The following STXBP5 variants were observed in gnomAD, a reference collection of about 807,000 sequenced individuals.
STXBP5 encodes syntaxin-binding protein 5.
A neutral mutation model predicts 152.4 loss-of-function variants in STXBP5; 50 were observed. That is an observed-to-expected ratio of 0.33 (90% CI 0.26 to 0.42). The LOEUF (loss-of-function observed/expected upper bound fraction) is 0.42. Ranked by LOEUF, STXBP5 falls within the 10% of genes least tolerant of loss-of-function variation. The pLI is 1.00. For synonymous variants in STXBP5, 492 were observed against 494.7 expected, an observed-to-expected ratio of 0.99 and a Z score of 0.07; for missense variants, 1,167 against 1,388.6, an observed-to-expected ratio of 0.84 and a Z score of 2.54.
intron 21 of STXBP5, among the ~76,000 whole-genome samples, chr6:147,345,986 A>G (rs1157238822): frequency 1.3e-5 from 2 of 152,184 alleles, no homozygotes; most frequent in Non-Finnish European, 2.9e-5. Flanking sequence ...CAACCTGCCT[A>G]CACTCTCTGA....
intron 2 of STXBP5, among the ~76,000 whole-genome samples, chr6:147,210,840 T>A (rs1776813033): frequency 6.6e-6 from 1 of 152,162 alleles, no homozygotes; most frequent in Non-Finnish European, 1.5e-5. Flanking sequence ...TAATACATGA[T>A]TATTATTAAT....
At chr6:147,275,549 CTTTTTTTTTTTTT>C (rs71031021) in intron 7 of STXBP5, among the ~76,000 whole-genome samples, 2 of 64,480 alleles carry the variant, frequency 3.1e-5, no homozygotes, top group African/African-American at 1.3e-4. Context: ...AGTAAATATT[CTTTTTTTTTTTTT>C]TTTTTTTTTT....
chr6:147,311,925 A>G (rs1782400336), intron 11 of STXBP5, among the ~76,000 whole-genome samples: 1 of 152,126 alleles, frequency 6.6e-6, no homozygotes, highest in Non-Finnish European at 1.5e-5. Context: ...CGTTTTACAC[A>G]CAGTTCCAAT....
At chr6:147,344,475 G>C (rs759423240) in intron 21 of STXBP5, among the ~76,000 whole-genome samples, 4 of 152,146 alleles carry the variant, frequency 2.6e-5, no homozygotes, top group Middle Eastern at 3.2e-3. Flanking sequence ...CCACAGACTG[G>C]GAGGCTTAAA....
rs528895725 is a variant in STXBP5, at chr6:147,361,097, TG to T, written c.2545+1775del. 9.0e-3 allele frequency among the ~76,000 whole-genome samples: 1,363 copies of T among 152,282 alleles called. 9 individuals carry two copies. The highest frequency in any genetic ancestry group is 0.014 in the Non-Finnish European group (979 of 68,008). ...TAATCTCAGTTCTTATTAGTAAATA[TG>T]TGTATAGGAATAAAATAAACTGGAA... On this transcript the variant is annotated intron_variant, in intron 23 of 27. Coordinates refer to ENST00000321680, the MANE Select transcript of STXBP5 (RefSeq NM_001127715.4).
intron 26 of STXBP5, among the ~76,000 whole-genome samples, chr6:147,378,872 G>C (rs1306267304): frequency 2.0e-5 from 3 of 152,048 alleles, no homozygotes; most frequent in African/African-American, 4.8e-5. Context: ...TAGCTTAAAA[G>C]AACCCAAATT....
At chr6:147,231,358 A>T (rs565269677) in intron 2 of STXBP5, among the ~76,000 whole-genome samples, 2 of 151,842 alleles carry the variant, frequency 1.3e-5, no homozygotes, top group Non-Finnish European at 2.9e-5. Context: ...TTGTCTGGAC[A>T]TGGACCATGA....
At chr6:147,281,412 C>T (rs1257370358) in intron 8 of STXBP5, among the ~76,000 whole-genome samples, 1 of 152,176 alleles carries the variant, frequency 6.6e-6, no homozygotes, top group Non-Finnish European at 1.5e-5. Flanking sequence ...CATACCATAA[C>T]AAGGGTATCA....
At chr6:147,343,758 G>A (rs1044116362) in intron 21 of STXBP5, among the ~76,000 whole-genome samples, 7 of 152,212 alleles carry the variant, frequency 4.6e-5, no homozygotes, top group South Asian at 4.1e-4. Context: ...ATATTAAGTC[G>A]TATTTTAAGT....
At chr6:147,262,432 C>T (rs1779687949) in intron 6 of STXBP5, 79 bp downstream of exon 6, 1 of 814,982 alleles carries the variant, frequency 1.2e-6, no homozygotes, top group Non-Finnish European at 1.9e-6. Context: ...TTCAGGATCA[C>T]ACTTATTACA....
intron 2 of STXBP5, 119 bp downstream of exon 2, chr6:147,206,187 A>G (rs1389026771): frequency 5.4e-6 from 4 of 739,560 alleles, no homozygotes; most frequent in Middle Eastern, 3.4e-4. Context: ...GATATATACT[A>G]TGAGAAATCA....
At chr6:147,321,757 C>G (rs1219676587) in intron 16 of STXBP5, among the ~76,000 whole-genome samples, 1 of 152,180 alleles carries the variant, frequency 6.6e-6, no homozygotes, top group Non-Finnish European at 1.5e-5. Context: ...TTATGGAACT[C>G]TTTATAAAAC....
chr6:147,347,626 T>C (rs984286556), intron 21 of STXBP5, among the ~76,000 whole-genome samples: 4 of 152,240 alleles, frequency 2.6e-5, no homozygotes, highest in Non-Finnish European at 4.4e-5. Context: ...AAAAGAGGGC[T>C]ACTTTCCTGA....
intron 18 of STXBP5, among the ~76,000 whole-genome samples, chr6:147,328,262 A>C (rs1783374925): frequency 6.6e-6 from 1 of 152,186 alleles, no homozygotes; most frequent in Non-Finnish European, 1.5e-5. Context: ...ACTGGCCTGC[A>C]GAATCCAGTT....
In STXBP5 at chr6:147,248,157, G is replaced by A. The variant is rs187526524; in HGVS notation, c.431+8887G>A. On this transcript the variant is annotated intron_variant, in intron 4 of 27. Coordinates refer to ENST00000321680, the MANE Select transcript of STXBP5 (RefSeq NM_001127715.4). ...TAGCCAGGCGTGGAAGTGGGCACCTGTATTCCCAGCTACTCGGGAGCCTGA... is the reference window on the plus strand; with the variant it reads ...TAGCCAGGCGTGGAAGTGGGCACCTATATTCCCAGCTACTCGGGAGCCTGA... 3.8e-3 allele frequency among the ~76,000 whole-genome samples: 576 copies of A among 151,970 alleles called. 2 individuals carry two copies. The highest frequency in any genetic ancestry group is 7.6e-3 in the Admixed American group (116 of 15,254).
chr6:147,237,950 A>G (rs1278302242), intron 3 of STXBP5, among the ~76,000 whole-genome samples: 1 of 152,234 alleles, frequency 6.6e-6, no homozygotes, highest in African/African-American at 2.4e-5. Context: ...CCTTTGAGGA[A>G]AAACATTCAG....
rs565589984 is a variant in STXBP5, at chr6:147,295,412, C to T, written c.917+4240C>T. 9.2e-5 allele frequency among the ~76,000 whole-genome samples: 14 copies of T among 152,282 alleles called. 1 individual carries two copies. Among genetic ancestry groups the T allele is most frequent in the Admixed American group, 9.2e-4 (14 of 15,286 alleles). ...GCGAATATTGGGTCCTTGAGCAAGA[C>T]GTCTGACTAGAGGTGCCTGGTGTTA... On this transcript the variant is annotated intron_variant, in intron 9 of 27. Coordinates refer to ENST00000321680, the MANE Select transcript of STXBP5 (RefSeq NM_001127715.4).
intron 16 of STXBP5, among the ~76,000 whole-genome samples, chr6:147,322,521 TAGAA>T (rs1782986452): frequency 6.6e-6 from 1 of 152,200 alleles, no homozygotes; most frequent in Non-Finnish European, 1.5e-5. Flanking sequence ...TCTTCCACAT[TAGAA>T]ATACCAACTG....
intron 7 of STXBP5, among the ~76,000 whole-genome samples, chr6:147,273,221 G>C (rs1780268678): frequency 1.1e-5 from 1 of 91,662 alleles, no homozygotes; most frequent in Non-Finnish European, 2.2e-5. Context: ...AGCTAGGCCT[G>C]GTAGTGGTAG....
Sources: allele counts gnomAD v4.1 joint callset (sites outside exome capture counted in the v4.1 genomes callset), GRCh38; gene constraint gnomAD v4.1.1; transcripts MANE v1.5; gene names NCBI Gene and HGNC (gene_info 2026-07-23, HGNC 2026-07-21).